THRA: variants seen among roughly 807,000 people sequenced by gnomAD.
THRA encodes EAR-7.
THRA carries 13 observed loss-of-function variants against 45.0 expected under a neutral mutation model. That is an observed-to-expected ratio of 0.29 (90% CI 0.19 to 0.46). THRA has a LOEUF of 0.46. THRA is among the 20% of genes least tolerant of loss of function. The pLI is 1.00. For synonymous variants in THRA, 195 were observed against 214.0 expected (o/e 0.91, Z 0.78); for missense variants, 278 against 556.1 (o/e 0.50, Z 5.03).
chr17:40,089,898 T>C lies in THRA; in HGVS notation c.*442T>C. On this transcript the variant is annotated 3_prime_UTR_variant, in exon 9 of 9. Transcript: ENST00000450525. This position sits in a 1 kb window ranked among gnomAD's most constrained non-coding sequence, Gnocchi z 6.1. ...AGGTCTCCCCTCCAGGCTGAGGGCCTCTCTACTTCCCCAGATGCCTGGGTG... is the reference window on the plus strand; with the variant it reads ...AGGTCTCCCCTCCAGGCTGAGGGCCCCTCTACTTCCCCAGATGCCTGGGTG... The C allele has an allele frequency of 1.0e-6, 1 of 999,946 alleles. No individual in the cohort carries two copies. The highest frequency in any genetic ancestry group is 5.1e-4 in the Middle Eastern group (1 of 1,948). 61.9% of individuals were successfully genotyped at this position (999,946 alleles called of 1,614,324 possible).
In THRA at chr17:40,074,459, T is replaced by G. The variant is rs1296767249; in HGVS notation, c.-30T>G. On this transcript the variant is annotated 5_prime_UTR_variant, in exon 2 of 9. Coordinates refer to ENST00000450525, the MANE Select transcript of THRA (RefSeq NM_199334.5). Reference sequence around the variant, plus strand: ...TGCCCACCCCAGTCTCTTGGCGTGCTGGAGGGCATCCTGGATGGAATTGAA... The same window carrying G: ...TGCCCACCCCAGTCTCTTGGCGTGCGGGAGGGCATCCTGGATGGAATTGAA... The G allele has an allele frequency of 6.2e-7, 1 of 1,613,706 alleles. No homozygotes were observed. The highest frequency in any genetic ancestry group is 8.5e-7 in the Non-Finnish European group (1 of 1,179,808).
downstream of THRA, chr17:40,093,596 C>A: frequency 1.3e-6 from 1 of 786,874 alleles, no homozygotes; most frequent in Non-Finnish European, 2.0e-6. This position sits in a 1 kb window ranked among gnomAD's most constrained non-coding sequence, Gnocchi z 5.9. Context: ...CTGGGATGCC[C>A]TTCCCCCTTT....
upstream of THRA, chr17:40,062,741 G>T (rs1598384829): frequency 6.8e-6 from 1 of 147,816 alleles, no homozygotes; most frequent in South Asian, 1.9e-4. Flanking sequence ...AGGCGGCCGA[G>T]GGGCGGCCGG....
Position 40,074,385 on chromosome 17 carries a change from C to T in THRA, c.-104C>T. 1 of 1,264,232 alleles carries T rather than the reference C, an allele frequency of 7.9e-7. No individual in the cohort carries two copies. Among genetic ancestry groups the T allele is most frequent in the Non-Finnish European group, 1.1e-6 (1 of 879,238 alleles). 78.3% of individuals were successfully genotyped at this position (1,264,232 alleles called of 1,614,324 possible). On this transcript the variant is annotated 5_prime_UTR_variant, in exon 2 of 9. Transcript: ENST00000450525. ...TATCATGGGTGCTGTGCCCTAGGGC[C>T]TGGGTGGCAGGGGGTGGGTGGCCTG...
intron 1 of THRA, among the ~76,000 whole-genome samples, chr17:40,071,765 G>C (rs1986785279): frequency 6.6e-6 from 1 of 152,184 alleles, no homozygotes; most frequent in Admixed American, 6.5e-5. Flanking sequence ...TTTTCTGTCC[G>C]TGGCTAACAC....
Position 40,077,736 on chromosome 17 carries a change from C to T in THRA, c.222+128C>T, listed in dbSNP as rs974310382. The T allele has an allele frequency of 7.0e-6, 5 of 718,686 alleles. No homozygotes were observed. In the East Asian group the frequency reaches 8.2e-5, roughly 12 times the overall value. 44.5% of individuals were successfully genotyped at this position (718,686 alleles called of 1,614,324 possible). ...CTTTGAGACGGAGTCTCACTCTTGTCCCCCAGGCTGGAGTGCAGTGGCGCG... is the reference window on the plus strand; with the variant it reads ...CTTTGAGACGGAGTCTCACTCTTGTTCCCCAGGCTGGAGTGCAGTGGCGCG... On this transcript the variant is annotated intron_variant, in intron 4 of 8. Transcript: ENST00000450525.
intron 4 of THRA, among the ~76,000 whole-genome samples, chr17:40,081,795 C>A (rs144447008): frequency 6.6e-6 from 1 of 151,764 alleles, no homozygotes; most frequent in Non-Finnish European, 1.5e-5. Context: ...GAAACCCCAT[C>A]TCTATAAAAA....
At chr17:40,088,110 C>A in intron 7 of THRA, 132 bp from the exon 8 acceptor site, 1 of 1,258,614 alleles carries the variant, frequency 7.9e-7, no homozygotes, top group Non-Finnish European at 1.1e-6. Flanking sequence ...GCACATGGCC[C>A]AATACAAGGT....
rs1987512534 is a variant in THRA, at chr17:40,090,976, G to T, written c.*1520G>T. 1 of 152,470 alleles carries T rather than the reference G, an allele frequency of 6.6e-6. No homozygotes were observed. The highest frequency in any genetic ancestry group is 2.4e-5 in the African/African-American group (1 of 41,416). The allele number at this position is 152,470 out of a possible 1,614,324, so 9.4% of individuals were successfully genotyped here. The stretch of plus-strand genomic sequence containing the variant: ...CCGCCCACTCCTCAGGGGAGAGAGG[G>T]AGAGAGGAGGTGGTCCTCCCATGGG... On this transcript the variant is annotated 3_prime_UTR_variant, in exon 9 of 9. Coordinates refer to ENST00000450525, the MANE Select transcript of THRA (RefSeq NM_199334.5).
intron 1 of THRA, among the ~76,000 whole-genome samples, chr17:40,071,717 G>T (rs190072128): frequency 6.6e-6 from 1 of 152,196 alleles, no homozygotes; most frequent in South Asian, 2.1e-4. Flanking sequence ...GCCCTTCAGG[G>T]TGGGTACCCC....
In THRA at chr17:40,091,941, T is replaced by TG. The variant is rs1448119837; in HGVS notation, c.*2488dup. ...GCTAATGAGGGGGATGGCCTTGATGTGGGTGCTCAGCATGCCTCCCCCAGT... is the reference window on the plus strand; with the variant it reads ...GCTAATGAGGGGGATGGCCTTGATGTGGGGTGCTCAGCATGCCTCCCCCAGT... On this transcript the variant is annotated 3_prime_UTR_variant, in exon 9 of 9. Coordinates refer to ENST00000450525, the MANE Select transcript of THRA (RefSeq NM_199334.5). 3 of 152,038 alleles carry TG rather than the reference T, an allele frequency of 2.0e-5. No homozygotes were observed. The highest frequency in any genetic ancestry group is 2.0e-4 in the Admixed American group (3 of 15,244). 9.4% of individuals were successfully genotyped at this position (152,038 alleles called of 1,614,324 possible).
chr17:40,074,247 C>T lies in THRA; in HGVS notation c.-242C>T. ...TACTCCCCCAGCACACAGCCCGGGA[C>T]CCACAAACCCAGCTTGCCCCCAGCC... On this transcript the variant is annotated 5_prime_UTR_variant, in exon 2 of 9. Transcript: ENST00000450525. The T allele has an allele frequency of 1.8e-6, 1 of 553,034 alleles. No individual in the cohort carries two copies. The highest frequency in any genetic ancestry group is 3.3e-6 in the Non-Finnish European group (1 of 306,356). 34.3% of individuals were successfully genotyped at this position (553,034 alleles called of 1,614,324 possible). A position where few individuals can be genotyped will look rare whatever the true frequency, so the allele number is the denominator to read the frequency against.
intron 6 of THRA, 33 bp downstream of exon 6, chr17:40,084,848 G>A: frequency 6.2e-7 from 1 of 1,609,326 alleles, no homozygotes; most frequent in Non-Finnish European, 8.5e-7. Flanking sequence ...GAGAGCAGTA[G>A]CCAGGTGGCA....
chr17:40,065,394 G>A lies in THRA; in HGVS notation c.-298+2302G>A, dbSNP rs371969090. On this transcript the variant is annotated intron_variant, in intron 1 of 8. Coordinates refer to ENST00000450525, the MANE Select transcript of THRA (RefSeq NM_199334.5). ...TTTCCTTAAGAGGCCATCGGCTGGC[G>A]AGTGTCTGTGTGAGTGATATGTACT... is the stretch of plus-strand genomic sequence containing the variant. Among the ~76,000 whole-genome samples the A allele has an allele frequency of 1.1e-3, 171 of 152,204 alleles. 2 individuals are homozygous for A. The highest frequency in any genetic ancestry group is 4.0e-3 in the African/African-American group (166 of 41,518).
intron 7 of THRA, among the ~76,000 whole-genome samples, chr17:40,087,820 G>A (rs1421484397): frequency 1.3e-5 from 2 of 152,082 alleles, no homozygotes; most frequent in Non-Finnish European, 2.9e-5. Context: ...GTGCAGTGAC[G>A]CGATCTGGGC....
In THRA at chr17:40,084,607, C is replaced by T; in HGVS notation, c.371-3C>T. ...GTTAGACCTTGTGCCTCTCTGTTCA[C>T]AGTGGTTCTAGATGACTCGAAGCGG... On this transcript the variant is annotated splice_polypyrimidine_tract_variant and splice_region_variant and intron_variant, in intron 5 of 8. Transcript: ENST00000450525. 6.2e-7 allele frequency: 1 copy of T among 1,613,996 alleles called. No individual in the cohort carries two copies. Among genetic ancestry groups the T allele is most frequent in the Non-Finnish European group, 8.5e-7 (1 of 1,179,956 alleles).
chr17:40,087,063 A>G (rs1987344582), intron 7 of THRA: 1 of 604,994 alleles, frequency 1.7e-6, no homozygotes, highest in Non-Finnish European at 2.9e-6. Context: ...ACACGGACAC[A>G]CACACACACC....
chr17:40,079,950 C>T (rs1987080537), intron 4 of THRA, among the ~76,000 whole-genome samples: 1 of 151,968 alleles, frequency 6.6e-6, no homozygotes, highest in South Asian at 2.1e-4. Flanking sequence ...GCCTGTAATC[C>T]CACCTACTTG....
intron 3 of THRA, 110 bp from the exon 4 acceptor site, chr17:40,077,398 C>A: frequency 1.1e-6 from 1 of 880,816 alleles, no homozygotes. Flanking sequence ...GGAGGCTGGG[C>A]TAGGAGAGGG....
Sources: allele counts gnomAD v4.1 joint callset (sites outside exome capture counted in the v4.1 genomes callset), GRCh38; gene constraint gnomAD v4.1.1; non-coding constraint Gnocchi (gnomAD v3.1); transcripts MANE v1.5; gene names NCBI Gene and HGNC (gene_info 2026-07-23, HGNC 2026-07-21).